The following NAV3 variants were observed in gnomAD, a reference collection of about 807,000 sequenced individuals.
The protein encoded by NAV3 is pore membrane and/or filament interacting like protein 1.
NAV3 carries 87 observed loss-of-function variants against 244.7 expected under a neutral mutation model. The ratio of observed to expected loss-of-function variants is 0.36; its 90% CI spans 0.30 to 0.42. NAV3 has a LOEUF of 0.42. NAV3 is among the 20% of genes least tolerant of loss of function. The probability of loss-of-function intolerance (pLI) is 1.00; values close to 1 mark genes in which losing one functional copy is unlikely to be tolerated. For synonymous variants in NAV3, 1,126 were observed against 1,042.2 expected (o/e 1.08, Z -1.55); for missense variants, 2,663 against 2,893.3 (o/e 0.92, Z 1.83).
At chr12:78,191,881 A>G (rs1159215187) in intron 34 of NAV3, among the ~76,000 whole-genome samples, 3 of 152,182 alleles carry the variant, frequency 2.0e-5, no homozygotes, top group African/African-American at 7.2e-5. Flanking sequence ...TTTACAAGGT[A>G]CTTTTTTTAT....
intron 2 of NAV3, among the ~76,000 whole-genome samples, chr12:77,642,545 C>T (rs1202105057): frequency 6.6e-6 from 1 of 152,040 alleles, no homozygotes; most frequent in South Asian, 2.1e-4. Context: ...TGTGTTCCCA[C>T]AGTCTGGAAG....
At chr12:78,192,112 A>C (rs1959009088) in intron 34 of NAV3, among the ~76,000 whole-genome samples, 1 of 151,372 alleles carries the variant, frequency 6.6e-6, no homozygotes, top group Non-Finnish European at 1.5e-5. Context: ...CCATCTATCT[A>C]TATATGTATG....
intron 2 of NAV3, among the ~76,000 whole-genome samples, chr12:77,701,936 G>C (rs1410285638): frequency 6.6e-6 from 1 of 151,942 alleles, no homozygotes; most frequent in Middle Eastern, 3.2e-3. Flanking sequence ...CCAGGAGCAA[G>C]ATATGCACTC....
intron 1 of NAV3, among the ~76,000 whole-genome samples, chr12:77,920,614 C>G (rs1420456053): frequency 6.6e-6 from 1 of 151,892 alleles, no homozygotes; most frequent in African/African-American, 2.4e-5. Flanking sequence ...TTAGAATTAT[C>G]AGAAAAACAG....
intron 1 of NAV3, among the ~76,000 whole-genome samples, chr12:77,892,778 G>T (rs1430948292): frequency 6.6e-6 from 1 of 152,086 alleles, no homozygotes; most frequent in Non-Finnish European, 1.5e-5. Flanking sequence ...AAAATTATTT[G>T]AACCTATTAA....
At chr12:77,827,260 A>AC (rs1555209526), upstream of NAV3, among the ~76,000 whole-genome samples, 6,062 of 131,910 alleles carry the variant, frequency 0.046, 157 homozygotes, top group Non-Finnish European at 0.07. Flanking sequence ...AAAAAAAAAA[A>AC]AGTAATGTGG....
chr12:77,965,211 C>T (rs756849415), intron 3 of NAV3, among the ~76,000 whole-genome samples: 4 of 152,158 alleles, frequency 2.6e-5, no homozygotes, highest in African/African-American at 2.4e-5. Flanking sequence ...TATGCTCTTA[C>T]GAATCTTAGC....
intron 2 of NAV3, among the ~76,000 whole-genome samples, chr12:77,701,159 C>G (rs765090047): frequency 6.6e-6 from 1 of 151,758 alleles, no homozygotes; most frequent in African/African-American, 2.4e-5. Context: ...TGATGGAATT[C>G]ACCACTGGAA....
At chr12:78,117,158 C>CTTATATATATATATATATAT (rs1555292748) in intron 13 of NAV3, among the ~76,000 whole-genome samples, 6 of 70,334 alleles carry the variant, frequency 8.5e-5, no homozygotes, top group Admixed American at 2.1e-4. Flanking sequence ...ACAGAAGCAG[C>CTTATATATATATATATATAT]ATATATATAT....
intron 2 of NAV3, among the ~76,000 whole-genome samples, chr12:77,793,648 T>C (rs1871280806): frequency 6.6e-6 from 1 of 152,204 alleles, no homozygotes; most frequent in Non-Finnish European, 1.5e-5. Flanking sequence ...GCAAAGGATA[T>C]GTACTCATTC....
chr12:77,796,453 G>A (rs185532701), intron 2 of NAV3, among the ~76,000 whole-genome samples: 2 of 152,188 alleles, frequency 1.3e-5, no homozygotes, highest in Admixed American at 6.5e-5. Flanking sequence ...TTGAAACACA[G>A]TCTATTCTGG....
chr12:77,978,698 C>T (rs930874261), intron 5 of NAV3, among the ~76,000 whole-genome samples: 3 of 151,646 alleles, frequency 2.0e-5, no homozygotes, highest in African/African-American at 7.3e-5. Flanking sequence ...TTAATAAAGT[C>T]AATATTTATA....
At chr12:78,159,157 A>G (rs769020596) in intron 22 of NAV3, 46 bp from the exon 23 acceptor site, 5 of 1,538,340 alleles carry the variant, frequency 3.3e-6, no homozygotes, top group Non-Finnish European at 3.6e-6. Context: ...ATCCATCCAC[A>G]TAAGATTCTG....
intron 2 of NAV3, among the ~76,000 whole-genome samples, chr12:77,618,020 G>A (rs1018706541): frequency 4.6e-5 from 7 of 152,178 alleles, no homozygotes; most frequent in African/African-American, 1.4e-4. Flanking sequence ...TTAATGCTGA[G>A]TGTGCAACAA....
chr12:77,924,221 C>T (rs1887976458), intron 1 of NAV3, among the ~76,000 whole-genome samples: 1 of 152,208 alleles, frequency 6.6e-6, no homozygotes, highest in Admixed American at 6.5e-5. Flanking sequence ...CATTGTTTTA[C>T]CTGGATATAT....
At chr12:77,821,464 A>G (rs1482854735) in intron 2 of NAV3, among the ~76,000 whole-genome samples, 1 of 152,202 alleles carries the variant, frequency 6.6e-6, no homozygotes, top group African/African-American at 2.4e-5. Context: ...GATGGTTAAC[A>G]TGTGGATTCT....
At chr12:77,891,771 G>A (rs1052949803) in intron 1 of NAV3, among the ~76,000 whole-genome samples, 1 of 152,150 alleles carries the variant, frequency 6.6e-6, no homozygotes, top group African/African-American at 2.4e-5. Context: ...TTGCTTTCCA[G>A]TGTAATGCTT....
At chr12:77,659,960 G>T (rs1039208220) in intron 2 of NAV3, among the ~76,000 whole-genome samples, 5 of 149,900 alleles carry the variant, frequency 3.3e-5, no homozygotes, top group Non-Finnish European at 7.4e-5. Context: ...GGACTGTTGT[G>T]GGGTAGGGGG....
At chr12:77,903,881 G>A (rs1363722022) in intron 1 of NAV3, among the ~76,000 whole-genome samples, 2 of 152,060 alleles carry the variant, frequency 1.3e-5, no homozygotes, top group South Asian at 2.1e-4. Context: ...GCAGCCAAAA[G>A]ACACATGAAA....
Sources: allele counts gnomAD v4.1 joint callset (sites outside exome capture counted in the v4.1 genomes callset), GRCh38; gene constraint gnomAD v4.1.1; transcripts MANE v1.5; gene names NCBI Gene and HGNC (gene_info 2026-07-23, HGNC 2026-07-21).